Variants in LDHD observed in about 807,000 individuals in gnomAD.
The protein encoded by LDHD is lactate dehydrogenase D, also known as D-lactate dehydrogenase, mitochondrial.
Under a neutral mutation model 52.9 loss-of-function variants are expected in LDHD, and 58 were observed. The ratio of observed to expected loss-of-function variants is 1.10; its 90% CI spans 0.89 to 1.36. The LOEUF (loss-of-function observed/expected upper bound fraction) is 1.36, where lower values mean the gene tolerates loss of function less well. LDHD is among the 40% of genes most tolerant of loss of function. The pLI, the probability that LDHD is intolerant of heterozygous loss-of-function variation, is 0.00. For missense variants in LDHD, 747 were observed against 668.0 expected (o/e 1.12, Z -1.30); for synonymous variants, 350 against 288.6 (o/e 1.21, Z -2.16).
rs752733881 is a variant in LDHD at position 75,112,627 on chromosome 16, T to G, written c.1264A>C (p.Lys422Gln). 2.5e-5 allele frequency: 41 copies of G among 1,614,014 alleles called. No homozygotes were observed. The highest frequency in any genetic ancestry group is 3.1e-5 in the Non-Finnish European group (36 of 1,180,032). ...PDDAEELGRV[K>Q]AFAEQLGRRA... ...CTGCCCAGCTGTTCTGCAAAAGCCT[T>G]GACCCTGCCCAGTTCCTCGGCGTCA... The change falls in exon 10 of 11, where the codon AAG becomes CAG. Residue 422 changes from lysine to glutamine, a missense_variant. Transcript: ENST00000450168.
At position 75,112,661 on chromosome 16, in the gene LDHD, G is replaced by A; in HGVS notation, c.1230C>T (p.Val410=). The change falls in exon 10 of 11, where the codon GTC becomes GTT. Residue 410 remains valine (V), a synonymous_variant. Transcript: ENST00000450168. ...GDGNFHCILL[V]NPDDAEELGR... is the part of the protein sequence containing the mutation. ...CCAGTTCCTCGGCGTCATCAGGGTT[G>A]ACCAGCAGGATGCAGTGGAAGTTGC... 2 of 1,614,134 alleles carry A rather than the reference G, an allele frequency of 1.2e-6. No homozygotes were observed. The highest frequency in any genetic ancestry group is 1.7e-6 in the Non-Finnish European group (2 of 1,180,034).
rs770295046 is a variant in LDHD at position 75,113,515 on chromosome 16, G to A, written c.1086+20C>T. The A allele has an allele frequency of 3.1e-6, 5 of 1,595,884 alleles. No individual in the cohort carries two copies. Among genetic ancestry groups the A allele is most frequent in the Non-Finnish European group, 4.3e-6 (5 of 1,172,368 alleles). The stretch of plus-strand genomic sequence containing the variant: ...GTGGGCCGAGCTGTGGGCCCCATCT[G>A]TACCCCAGCCCCAGCTCACCTTGCA... On this transcript the variant is annotated intron_variant, in intron 8 of 10. Coordinates refer to ENST00000450168, the MANE Select transcript of LDHD (RefSeq NM_194436.3).
At chr16:75,115,924 T>C (rs1030882552) in intron 1 of LDHD, among the ~76,000 whole-genome samples, 8 of 94,314 alleles carry the variant, frequency 8.5e-5, no homozygotes, top group Admixed American at 8.0e-4. Context: ...TTTTCTTTTT[T>C]AATAAAAACA....
Sources: allele counts gnomAD v4.1 joint callset (sites outside exome capture counted in the v4.1 genomes callset), GRCh38; gene constraint gnomAD v4.1.1; transcripts MANE v1.5; gene names NCBI Gene and HGNC (gene_info 2026-07-23, HGNC 2026-07-21).